Variants in UNC13C observed in about 807,000 individuals in gnomAD.
UNC13C encodes protein unc-13 homolog C.
Under a neutral mutation model 245.4 loss-of-function variants are expected in UNC13C, and 174 were observed. That is an observed-to-expected ratio of 0.71 (90% CI 0.63 to 0.80). UNC13C has a LOEUF of 0.80. Ranked by LOEUF, UNC13C falls within the 30% of genes least tolerant of loss-of-function variation. The pLI is 0.00. For missense variants in UNC13C, 2,829 were observed against 2,602.9 expected, an observed-to-expected ratio of 1.09 and a Z score of -1.89; for synonymous variants, 992 against 895.1, an observed-to-expected ratio of 1.11 and a Z score of -1.93.
At chr15:54,478,148 T>C (rs557580751) in intron 19 of UNC13C, among the ~76,000 whole-genome samples, 15 of 151,626 alleles carry the variant, frequency 9.9e-5, no homozygotes, top group East Asian at 1.9e-4. Flanking sequence ...GTGGGATTGG[T>C]GGTGATATCC....
the UNC13C span, among the ~76,000 whole-genome samples, chr15:53,855,925 C>CT: frequency 7.2e-5 from 11 of 151,932 alleles, no homozygotes; most frequent in Non-Finnish European, 1.2e-4. Flanking sequence ...TGACCCTGGG[C>CT]TTTTTTTATT....
At chr15:54,210,769 A>G (rs2034855504) in intron 4 of UNC13C, among the ~76,000 whole-genome samples, 1 of 152,136 alleles carries the variant, frequency 6.6e-6, no homozygotes, top group Non-Finnish European at 1.5e-5. Flanking sequence ...GGATTTTGTT[A>G]TTCATGGCAA....
At chr15:54,397,376 C>T (rs530466310) in intron 18 of UNC13C, among the ~76,000 whole-genome samples, 3 of 151,546 alleles carry the variant, frequency 2.0e-5, no homozygotes, top group South Asian at 4.1e-4. Context: ...TAATCTGTTC[C>T]ACTGATCTAT....
At chr15:54,368,128 T>C (rs2039406963) in intron 17 of UNC13C, among the ~76,000 whole-genome samples, 1 of 152,070 alleles carries the variant, frequency 6.6e-6, no homozygotes, top group Non-Finnish European at 1.5e-5. Flanking sequence ...CAGCCATGCA[T>C]TTCAGAGATT....
upstream of UNC13C, among the ~76,000 whole-genome samples, chr15:53,977,151 G>A (rs1020380626): frequency 1.3e-5 from 2 of 152,156 alleles, no homozygotes; most frequent in East Asian, 1.9e-4. Context: ...CTTAAGCAGC[G>A]GGTAAGGGAA....
the UNC13C span, among the ~76,000 whole-genome samples, chr15:53,842,019 T>C: frequency 6.6e-6 from 1 of 152,192 alleles, no homozygotes; most frequent in Non-Finnish European, 1.5e-5. Flanking sequence ...AAGATGTTGA[T>C]GTCTTTTTAA....
chr15:54,358,087 G>A (rs571333317), intron 17 of UNC13C, among the ~76,000 whole-genome samples: 1 of 151,806 alleles, frequency 6.6e-6, no homozygotes, highest in Non-Finnish European at 1.5e-5. Context: ...TCTTTTCCCC[G>A]GTGTATATTC....
At chr15:54,585,063 A>T (rs1489848294) in intron 30 of UNC13C, among the ~76,000 whole-genome samples, 1 of 152,220 alleles carries the variant, frequency 6.6e-6, no homozygotes, top group Admixed American at 6.5e-5. Flanking sequence ...CAGAATTAAG[A>T]GGTAATGAAG....
At chr15:54,369,004 A>G (rs1311547357) in intron 17 of UNC13C, among the ~76,000 whole-genome samples, 1 of 152,148 alleles carries the variant, frequency 6.6e-6, no homozygotes. Flanking sequence ...AGGAAGAACC[A>G]TTAGAATAAT....
intron 2 of UNC13C, among the ~76,000 whole-genome samples, chr15:54,062,417 T>A (rs966090743): frequency 6.6e-6 from 1 of 152,100 alleles, no homozygotes; most frequent in Non-Finnish European, 1.5e-5. Flanking sequence ...AGCACCACAT[T>A]CTAAACTGAC....
At chr15:54,169,991 TC>T (rs5812745) in intron 4 of UNC13C, among the ~76,000 whole-genome samples, 31,218 of 95,640 alleles carry the variant, frequency 0.33, 3,397 homozygotes, top group Middle Eastern at 0.43. Flanking sequence ...ATATCCTTTT[TC>T]TTTTTTTTTT....
chr15:53,961,786 C>T, the UNC13C span, among the ~76,000 whole-genome samples: 4 of 152,202 alleles, frequency 2.6e-5, no homozygotes, highest in Non-Finnish European at 5.9e-5. Flanking sequence ...TGAGATAATT[C>T]ACCAAATACA....
chr15:54,223,172 A>T (rs2035278203), intron 4 of UNC13C, among the ~76,000 whole-genome samples: 1 of 152,056 alleles, frequency 6.6e-6, no homozygotes, highest in Non-Finnish European at 1.5e-5. Flanking sequence ...CTTTGCCCAG[A>T]CCAATGTCCT....
chr15:54,086,602 G>C (rs933528118), intron 2 of UNC13C, among the ~76,000 whole-genome samples: 1 of 152,132 alleles, frequency 6.6e-6, no homozygotes, highest in African/African-American at 2.4e-5. Flanking sequence ...AAGTTCAAAA[G>C]AGGGAGAGTG....
At chr15:54,186,841 A>ATATATT (rs2034003357) in intron 4 of UNC13C, among the ~76,000 whole-genome samples, 1 of 118,546 alleles carries the variant, frequency 8.4e-6, no homozygotes, top group Non-Finnish European at 1.7e-5. Flanking sequence ...AACATAATAT[A>ATATATT]TATGTATATA....
chr15:54,622,221 CTATTCATTTCCAATAATACA>C, intron 30 of UNC13C, 86 bp from the exon 31 acceptor site: 1 of 779,310 alleles, frequency 1.3e-6, no homozygotes, highest in South Asian at 1.5e-5. Flanking sequence ...ATGGAAAGAA[CTATTCATTTCCAATAATACA>C]TTTTATGTTT....
intron 26 of UNC13C, among the ~76,000 whole-genome samples, chr15:54,544,316 T>G (rs1596542990): frequency 6.6e-6 from 1 of 152,260 alleles, no homozygotes. Flanking sequence ...AAGAGCTATT[T>G]ATGACAAACC....
At chr15:53,938,921 C>G in the UNC13C span, among the ~76,000 whole-genome samples, 2 of 151,988 alleles carry the variant, frequency 1.3e-5, no homozygotes, top group African/African-American at 4.8e-5. Context: ...AATCAGTAAC[C>G]TAACATCTCA....
chr15:54,292,663 A>G (rs1323874047), intron 10 of UNC13C, among the ~76,000 whole-genome samples: 2 of 151,858 alleles, frequency 1.3e-5, no homozygotes, highest in African/African-American at 4.8e-5. Context: ...ATATAAAAAT[A>G]AAATTCATAG....
Sources: allele counts gnomAD v4.1 joint callset (sites outside exome capture counted in the v4.1 genomes callset), GRCh38; gene constraint gnomAD v4.1.1; transcripts MANE v1.5; gene names NCBI Gene and HGNC (gene_info 2026-07-23, HGNC 2026-07-21).